NALCN: variants seen among roughly 807,000 people sequenced by gnomAD.
NALCN encodes the protein sodium leak channel, non-selective.
NALCN carries 111 observed loss-of-function variants against 225.3 expected under a neutral mutation model. The ratio of observed to expected loss-of-function variants is 0.49; its 90% CI spans 0.42 to 0.58. The LOEUF is 0.58. Among genes scored for constraint, NALCN ranks in the 20% least tolerant of loss-of-function variants. NALCN has a pLI of 0.00. For missense variants in NALCN, 1,378 were observed against 2,202.4 expected, an observed-to-expected ratio of 0.63 and a Z score of 7.49; for synonymous variants, 764 against 769.0, an observed-to-expected ratio of 0.99 and a Z score of 0.11.
intron 13 of NALCN, among the ~76,000 whole-genome samples, chr13:101,212,917 G>A (rs1011475291): frequency 6.6e-6 from 1 of 152,100 alleles, no homozygotes; most frequent in Non-Finnish European, 1.5e-5. Context: ...AGCTACCAAT[G>A]ACTTTCTTCA....
intron 7 of NALCN, among the ~76,000 whole-genome samples, chr13:101,295,282 TAAAC>T (rs1389795812): frequency 2.0e-5 from 3 of 152,304 alleles, no homozygotes; most frequent in East Asian, 3.9e-4. Context: ...TTTTTAACAT[TAAAC>T]AAACAATTTA....
intron 7 of NALCN, among the ~76,000 whole-genome samples, chr13:101,335,978 T>C (rs1269713946): frequency 6.6e-6 from 1 of 152,100 alleles, no homozygotes; most frequent in African/African-American, 2.4e-5. Context: ...CATTATAATT[T>C]GAATAAAAGT....
At chr13:101,293,921 C>T (rs2043640602) in intron 7 of NALCN, among the ~76,000 whole-genome samples, 1 of 152,176 alleles carries the variant, frequency 6.6e-6, no homozygotes, top group Non-Finnish European at 1.5e-5. Context: ...CCTTGTCATA[C>T]AGCTGGTATT....
chr13:101,233,074 T>C (rs1330178039), intron 12 of NALCN, among the ~76,000 whole-genome samples: 1 of 152,154 alleles, frequency 6.6e-6, no homozygotes, highest in Non-Finnish European at 1.5e-5. Flanking sequence ...AGTCTAATTG[T>C]GCCTTTTCAT....
chr13:101,220,341 G>A (rs762340192), intron 13 of NALCN, among the ~76,000 whole-genome samples: 4 of 152,294 alleles, frequency 2.6e-5, no homozygotes, highest in Admixed American at 1.3e-4. Context: ...AGGGATGTGC[G>A]TCTGACGACA....
At chr13:101,356,104 A>G (rs1371788756) in intron 6 of NALCN, among the ~76,000 whole-genome samples, 5 of 152,214 alleles carry the variant, frequency 3.3e-5, no homozygotes, top group African/African-American at 1.2e-4. Context: ...GAAATATCTC[A>G]AATGGATACC....
intron 11 of NALCN, among the ~76,000 whole-genome samples, chr13:101,239,324 A>G (rs1215329437): frequency 2.6e-5 from 4 of 151,954 alleles, no homozygotes; most frequent in African/African-American, 9.7e-5. Context: ...TAAATATTAC[A>G]TACAGTTCTA....
intron 6 of NALCN, among the ~76,000 whole-genome samples, chr13:101,361,466 A>T (rs1245104651): frequency 6.6e-6 from 1 of 152,198 alleles, no homozygotes; most frequent in Non-Finnish European, 1.5e-5. Context: ...GGCTCCTTGT[A>T]ACTAAAGGAA....
At chr13:101,190,794 T>G (rs1288643003) in intron 14 of NALCN, among the ~76,000 whole-genome samples, 3 of 152,210 alleles carry the variant, frequency 2.0e-5, no homozygotes, top group Non-Finnish European at 4.4e-5. Flanking sequence ...TTATATGTAA[T>G]TTGTTTGATG....
At chr13:101,149,930 G>A (rs570143880) in intron 15 of NALCN, among the ~76,000 whole-genome samples, 8 of 152,322 alleles carry the variant, frequency 5.3e-5, no homozygotes, top group South Asian at 2.1e-4. Context: ...CAAGAACTGC[G>A]TGCACACCCA....
chr13:101,300,400 C>T (rs4771389), intron 7 of NALCN, among the ~76,000 whole-genome samples: 5,909 of 40,880 alleles, frequency 0.14, 193 homozygotes, highest in East Asian at 0.35. Context: ...CCTTCCTTCC[C>T]TCCTTCCTTC....
intron 3 of NALCN, among the ~76,000 whole-genome samples, chr13:101,380,942 G>A (rs1381677342): frequency 6.6e-6 from 1 of 151,420 alleles, no homozygotes; most frequent in African/African-American, 2.4e-5. Flanking sequence ...TAGAAAAACA[G>A]ATGTGAACAC....
chr13:101,229,624 C>G (rs181201692), intron 12 of NALCN, 40 bp from the exon 13 acceptor site: 4 of 1,419,890 alleles, frequency 2.8e-6, no homozygotes, highest in Admixed American at 2.5e-5. Context: ...CACATATGAT[C>G]ATTTATTTAC....
chr13:101,238,810 T>G (rs559428031), intron 11 of NALCN, among the ~76,000 whole-genome samples: 1 of 152,060 alleles, frequency 6.6e-6, no homozygotes, highest in South Asian at 2.1e-4. Flanking sequence ...TCTAGACTAA[T>G]GTGGAGTATC....
At chr13:101,219,070 A>G (rs1477727132) in intron 13 of NALCN, among the ~76,000 whole-genome samples, 1 of 152,150 alleles carries the variant, frequency 6.6e-6, no homozygotes, top group African/African-American at 2.4e-5. Context: ...AAATAAAGTT[A>G]TATTTTGAGG....
chr13:101,077,054 T>C (rs933984292), intron 34 of NALCN, among the ~76,000 whole-genome samples: 19 of 147,090 alleles, frequency 1.3e-4, no homozygotes, highest in South Asian at 4.3e-4. Flanking sequence ...CCAGGTCTGA[T>C]AGTTTTATAA....
At chr13:101,184,122 A>G (rs2139975390) in intron 14 of NALCN, among the ~76,000 whole-genome samples, 1 of 152,348 alleles carries the variant, frequency 6.6e-6, no homozygotes, top group African/African-American at 2.4e-5. Context: ...GAAAAAGTGG[A>G]GAATAACAAT....
intron 17 of NALCN, 68 bp downstream of exon 17, chr13:101,143,012 C>T (rs893111760): frequency 1.3e-6 from 2 of 1,587,584 alleles, no homozygotes; most frequent in South Asian, 1.1e-5. Flanking sequence ...CCCTAAAGAA[C>T]TCTGCGGTTC....
intron 7 of NALCN, among the ~76,000 whole-genome samples, chr13:101,303,416 G>A (rs534049647): frequency 6.6e-6 from 1 of 152,206 alleles, no homozygotes; most frequent in Admixed American, 6.5e-5. Flanking sequence ...TTGTGATGGG[G>A]CGATTCTCCT....
Sources: allele counts gnomAD v4.1 joint callset (sites outside exome capture counted in the v4.1 genomes callset), GRCh38; gene constraint gnomAD v4.1.1; transcripts MANE v1.5; gene names NCBI Gene and HGNC (gene_info 2026-07-23, HGNC 2026-07-21).